The following TANC1 variants were observed in gnomAD, a reference collection of about 807,000 sequenced individuals.
TANC1 encodes tetratricopeptide repeat, ankyrin repeat and coiled-coil containing 1, also known as protein TANC1.
In TANC1, 77 loss-of-function variants were observed where a neutral mutation model predicts 149.7. That is an observed-to-expected ratio of 0.51 (90% CI 0.43 to 0.62). The LOEUF (loss-of-function observed/expected upper bound fraction) is 0.62, where lower values mean the gene tolerates loss of function less well. Among genes scored for constraint, TANC1 ranks in the 20% least tolerant of loss-of-function variants. The pLI is 0.00. For synonymous variants in TANC1, 854 were observed against 925.0 expected (o/e 0.92, Z 1.39); for missense variants, 1,985 against 2,321.8 (o/e 0.85, Z 2.98).
intron 26 of TANC1, 29 bp from the exon 27 acceptor site, chr2:159,229,549 G>A (rs1188410454): frequency 6.4e-7 from 1 of 1,550,708 alleles, no homozygotes; most frequent in Non-Finnish European, 8.8e-7. Flanking sequence ...TGTGTGGTTT[G>A]TAATGTTACC....
At chr2:159,118,563 T>C (rs932184308) in intron 4 of TANC1, among the ~76,000 whole-genome samples, 2 of 152,102 alleles carry the variant, frequency 1.3e-5, no homozygotes, top group Non-Finnish European at 2.9e-5. Context: ...GCAGTCAGAG[T>C]CTGTCCTAAG....
rs901191100 is a variant in TANC1 at position 159,016,821 on chromosome 2, G to A, written c.-16+15632G>A. On this transcript the variant is annotated intron_variant, in intron 2 of 26. Transcript: ENST00000263635. ...GATCTCCTGACCTTGTGATCTGCCCGCCTTGGCCTCCCAAAGTGCTGGGAT... is the reference window on the plus strand; with the variant it reads ...GATCTCCTGACCTTGTGATCTGCCCACCTTGGCCTCCCAAAGTGCTGGGAT... Among the ~76,000 whole-genome samples the A allele has an allele frequency of 7.9e-5, 12 of 152,128 alleles. No homozygotes were observed. The South Asian group carries it at 1.0e-3, about 13-fold the overall frequency.
At chr2:159,000,734 G>A (rs1383603852) in intron 1 of TANC1, among the ~76,000 whole-genome samples, 7 of 151,944 alleles carry the variant, frequency 4.6e-5, no homozygotes, top group East Asian at 1.9e-4. Context: ...TGTGCGAGCC[G>A]GAAGGATAGG....
In TANC1 at chr2:159,084,305, C is replaced by G. The variant is rs77688298; in HGVS notation, c.62-13332C>G. Among the ~76,000 whole-genome samples the G allele has an allele frequency of 6.4e-4, 97 of 152,172 alleles. 1 individual carries two copies. Among genetic ancestry groups the G allele is most frequent in the African/African-American group, 2.0e-3 (84 of 41,514 alleles). On this transcript the variant is annotated intron_variant, in intron 3 of 26. Coordinates refer to ENST00000263635, the MANE Select transcript of TANC1 (RefSeq NM_033394.3). ...TTCTTCGTCACTCCTAGCTCCCCCC[C>G]CAATACAGGCCTGGGAAAGACCTTG...
intron 4 of TANC1, among the ~76,000 whole-genome samples, chr2:159,100,084 C>T (rs937389459): frequency 1.3e-4 from 20 of 152,148 alleles, no homozygotes; most frequent in African/African-American, 4.6e-4. Flanking sequence ...CAGAAACTAT[C>T]GATATTTTTA....
intron 2 of TANC1, among the ~76,000 whole-genome samples, chr2:159,059,014 G>A (rs1198531828): frequency 6.6e-6 from 1 of 152,116 alleles, no homozygotes; most frequent in African/African-American, 2.4e-5. Context: ...ACTTGTGACT[G>A]TAAATTTACT....
intron 4 of TANC1, among the ~76,000 whole-genome samples, chr2:159,129,362 T>A (rs917519216): frequency 6.6e-6 from 1 of 152,180 alleles, no homozygotes; most frequent in African/African-American, 2.4e-5. Context: ...GCTGTGTGAT[T>A]AAAATGTCAA....
intron 1 of TANC1, among the ~76,000 whole-genome samples, chr2:158,983,384 G>A (rs1488316892): frequency 4.0e-5 from 6 of 149,736 alleles, no homozygotes; most frequent in African/African-American, 1.2e-4. Flanking sequence ...GGAGAATAGC[G>A]TGAACCCGGG....
chr2:158,998,957 T>G (rs2036389441), intron 1 of TANC1, among the ~76,000 whole-genome samples: 1 of 152,136 alleles, frequency 6.6e-6, no homozygotes, highest in South Asian at 2.1e-4. Flanking sequence ...AGTGCAATTA[T>G]GCAGAAAGGA....
rs1043316243 is a variant in TANC1, at chr2:159,004,027, A to G, written c.-16+2838A>G. 11 of 1,612,238 alleles carry G rather than the reference A, an allele frequency of 6.8e-6. No homozygotes were observed. The African/African-American group carries it at 1.5e-4, about 22-fold the overall frequency. ...GGTATTGAAGAGGTGAACATGATTAAAGATGATGGGACAGTTATTCATTTC... is the reference window on the plus strand; with the variant it reads ...GGTATTGAAGAGGTGAACATGATTAGAGATGATGGGACAGTTATTCATTTC... On this transcript the variant is annotated intron_variant, in intron 2 of 26. Transcript: ENST00000263635.
At chr2:159,130,578 T>C (rs1388481637) in intron 4 of TANC1, among the ~76,000 whole-genome samples, 1 of 152,210 alleles carries the variant, frequency 6.6e-6, no homozygotes, top group Non-Finnish European at 1.5e-5. Context: ...CTCCTGACTG[T>C]GTGGCCTGCA....
intron 2 of TANC1, among the ~76,000 whole-genome samples, chr2:159,014,178 A>G (rs918443299): frequency 2.0e-5 from 3 of 152,168 alleles, no homozygotes; most frequent in East Asian, 1.9e-4. Flanking sequence ...AGACTGGGCA[A>G]TTTACAAAAG....
chr2:159,230,804 G>A lies in TANC1; in HGVS notation c.5378G>A (p.Ser1793Asn). The A allele has an allele frequency of 1.2e-6, 2 of 1,614,236 alleles. No individual in the cohort carries two copies. The highest frequency in any genetic ancestry group is 1.7e-6 in the Non-Finnish European group (2 of 1,180,038). The change falls in exon 27 of 27, where the codon AGT becomes AAT. Residue 1793 changes from serine to asparagine, a missense_variant. Physicochemically the swap from Ser to Asn is conservative, Grantham distance 46. Transcript: ENST00000263635. The surrounding 1 kb of genome is among the most constrained non-coding windows in gnomAD (Gnocchi z 4.4). The stretch of plus-strand genomic sequence containing the variant: ...TGTTCTGTTTCTACCCTGAGTGCAA[G>A]TGTCCACAATGGGGCACAAGTGAAG... Reference protein sequence around the residue: ...KTCSVSTLSASVHNGAQVKEL... With the variant: ...KTCSVSTLSANVHNGAQVKEL...
At position 159,163,317 on chromosome 2, in the gene TANC1, G is replaced by A. The variant is rs929154176; in HGVS notation, c.717G>A (p.Arg239=). ...CAAGTTCATCCGAAAATGATGACCG[G>A]AGTGGCTCCAGTTTGGAATGGAATA... The part of the protein sequence containing the change: ...TITSSSENDD[R]SGSSLEWNKD... The change falls in exon 8 of 27, where the codon CGG becomes CGA. Residue 239 remains arginine, a synonymous_variant. Transcript: ENST00000263635. 2.5e-6 allele frequency: 4 copies of A among 1,614,094 alleles called. No homozygotes were observed. Among genetic ancestry groups the A allele is most frequent in the Non-Finnish European group, 3.4e-6 (4 of 1,179,980 alleles).
At chr2:159,182,222 A>G (rs1344905294) in intron 14 of TANC1, among the ~76,000 whole-genome samples, 1 of 151,592 alleles carries the variant, frequency 6.6e-6, no homozygotes, top group Non-Finnish European at 1.5e-5. Flanking sequence ...AAAAAGAAAG[A>G]GTTTTCATTC....
chr2:159,066,211 C>T (rs1187125447), intron 3 of TANC1, among the ~76,000 whole-genome samples: 1 of 152,124 alleles, frequency 6.6e-6, no homozygotes, highest in Non-Finnish European at 1.5e-5. Context: ...AGTTCCAGGA[C>T]CAGCCTGGGC....
chr2:158,988,782 G>A (rs958379880), intron 1 of TANC1, among the ~76,000 whole-genome samples: 1 of 152,110 alleles, frequency 6.6e-6, no homozygotes, highest in African/African-American at 2.4e-5. Context: ...TACCTCATGG[G>A]GTTTTTGCAG....
At chr2:159,037,471 G>C (rs1403508696) in intron 2 of TANC1, among the ~76,000 whole-genome samples, 1 of 152,138 alleles carries the variant, frequency 6.6e-6, no homozygotes, top group Non-Finnish European at 1.5e-5. Context: ...TTTTCTTCTA[G>C]GGCTTTCATG....
At chr2:159,136,555 C>G (rs1049827423) in intron 5 of TANC1, among the ~76,000 whole-genome samples, 1 of 152,124 alleles carries the variant, frequency 6.6e-6, no homozygotes, top group African/African-American at 2.4e-5. Flanking sequence ...GAATTTTGAC[C>G]TACCAGGTCT....
Sources: gnomAD v4.1 joint callset for allele counts (sites outside exome capture counted in the v4.1 genomes callset) on GRCh38, gnomAD v4.1.1 for gene constraint, Gnocchi (gnomAD v3.1) non-coding constraint, MANE v1.5 for transcripts, NCBI Gene and HGNC (gene_info 2026-07-23, HGNC 2026-07-21) for gene names.